Variants in MYO1D observed in about 807,000 individuals in gnomAD.
The protein encoded by MYO1D is unconventional myosin-Id.
Under a neutral mutation model 122.0 loss-of-function variants are expected in MYO1D, and 83 were observed. That is an observed-to-expected ratio of 0.68 (90% CI 0.57 to 0.82). MYO1D has a LOEUF of 0.82. Among genes scored for constraint, MYO1D ranks in the 40% least tolerant of loss-of-function variants. The pLI, the probability that MYO1D is intolerant of heterozygous loss-of-function variation, is 0.00. For missense variants in MYO1D, 1,157 were observed against 1,269.5 expected (o/e 0.91, Z 1.35); for synonymous variants, 464 against 446.9 (o/e 1.04, Z -0.48).
intron 20 of MYO1D, among the ~76,000 whole-genome samples, chr17:32,629,650 G>A (rs1411010808): frequency 1.3e-5 from 2 of 151,454 alleles, no homozygotes; most frequent in Non-Finnish European, 2.9e-5. Flanking sequence ...AGAATTGCTT[G>A]AATCCGGGAG....
intron 20 of MYO1D, among the ~76,000 whole-genome samples, chr17:32,607,669 A>G (rs548166470): frequency 6.6e-6 from 1 of 152,324 alleles, no homozygotes; most frequent in South Asian, 2.1e-4. Context: ...AGATTCTGAA[A>G]TATGTATGGA....
chr17:32,691,814 T>G (rs1176305480), intron 16 of MYO1D, among the ~76,000 whole-genome samples: 1 of 152,208 alleles, frequency 6.6e-6, no homozygotes, highest in Non-Finnish European at 1.5e-5. Context: ...AATTTTTAGA[T>G]TTTTTGGAAA....
intron 1 of MYO1D, among the ~76,000 whole-genome samples, chr17:32,822,636 G>C (rs1021170181): frequency 2.0e-5 from 3 of 149,088 alleles, no homozygotes; most frequent in African/African-American, 7.3e-5. Context: ...CCCGTCCCGG[G>C]GGGTGGCCGC....
At chr17:32,650,142 T>C (rs951740706) in intron 19 of MYO1D, among the ~76,000 whole-genome samples, 6 of 152,354 alleles carry the variant, frequency 3.9e-5, no homozygotes, top group Middle Eastern at 3.4e-3. Flanking sequence ...TATCTTCAGA[T>C]ATGTCTGAAA....
At chr17:32,707,699 A>G (rs921747796) in intron 16 of MYO1D, among the ~76,000 whole-genome samples, 5 of 152,230 alleles carry the variant, frequency 3.3e-5, no homozygotes, top group South Asian at 2.1e-4. Flanking sequence ...TCCCTAAGTA[A>G]TAAGATTGGT....
At chr17:32,675,269 A>G (rs918222671) in intron 16 of MYO1D, among the ~76,000 whole-genome samples, 6 of 152,336 alleles carry the variant, frequency 3.9e-5, no homozygotes, top group South Asian at 2.1e-4. Flanking sequence ...TGTTATAGAG[A>G]AAAACCTAGA....
At chr17:32,728,766 A>G (rs2089604621) in intron 14 of MYO1D, among the ~76,000 whole-genome samples, 2 of 152,240 alleles carry the variant, frequency 1.3e-5, no homozygotes, top group South Asian at 4.1e-4. Flanking sequence ...CATGTAGGCA[A>G]CGCAATCTTA....
chr17:32,519,987 A>G (rs1910072390), intron 21 of MYO1D, among the ~76,000 whole-genome samples: 1 of 151,836 alleles, frequency 6.6e-6, no homozygotes, highest in Non-Finnish European at 1.5e-5. Flanking sequence ...GTGAAATAGG[A>G]TTAGTGGAAA....
intron 21 of MYO1D, among the ~76,000 whole-genome samples, chr17:32,580,289 A>ATTTTTTTTTTTT (rs71144843): frequency 7.7e-5 from 3 of 39,118 alleles, no homozygotes; most frequent in African/African-American, 2.3e-4. Flanking sequence ...TGCTAAGAGG[A>ATTTTTTTTTTTT]TTTTTTTTTT....
chr17:32,807,008 T>A (rs1026969483), intron 1 of MYO1D, among the ~76,000 whole-genome samples: 5 of 152,186 alleles, frequency 3.3e-5, no homozygotes, highest in African/African-American at 1.2e-4. Context: ...TCTATACATA[T>A]TATATACACA....
chr17:32,800,936 A>G (rs948671007), intron 1 of MYO1D, among the ~76,000 whole-genome samples: 5 of 152,180 alleles, frequency 3.3e-5, no homozygotes, highest in African/African-American at 1.2e-4. Flanking sequence ...CAGGTGACAG[A>G]TATGCTAATT....
At chr17:32,554,843 T>C (rs577664272) in intron 21 of MYO1D, among the ~76,000 whole-genome samples, 1 of 152,234 alleles carries the variant, frequency 6.6e-6, no homozygotes, top group South Asian at 2.1e-4. Context: ...ACTGAAACAA[T>C]GGATATACGA....
At chr17:32,578,640 C>T (rs1411219572) in intron 21 of MYO1D, among the ~76,000 whole-genome samples, 1 of 152,190 alleles carries the variant, frequency 6.6e-6, no homozygotes, top group Non-Finnish European at 1.5e-5. Flanking sequence ...TTAATTTTAG[C>T]ATGCAATTTG....
rs1316235951 is a variant in MYO1D at position 32,832,284 on chromosome 17, T to C, written c.95+44494A>G. ...GCACCACCACACCTGACTAATTTTT[T>C]TCTTTCTTCTTTTTTTTTTTTTTGT... is the stretch of plus-strand genomic sequence containing the variant. On this transcript the variant is annotated intron_variant, in intron 1 of 21. Transcript: ENST00000318217. Among the ~76,000 whole-genome samples the C allele has an allele frequency of 4.0e-5, 6 of 150,992 alleles. 1 individual carries two copies. The South Asian group carries it at 1.3e-3, about 32-fold the overall frequency.
At chr17:32,759,648 C>A (rs1413058948) in intron 10 of MYO1D, among the ~76,000 whole-genome samples, 1 of 151,976 alleles carries the variant, frequency 6.6e-6, no homozygotes, top group Non-Finnish European at 1.5e-5. Context: ...AATTTAAAAA[C>A]CAAACAAGTC....
chr17:32,660,496 G>A (rs1358821959), intron 16 of MYO1D, among the ~76,000 whole-genome samples: 2 of 152,056 alleles, frequency 1.3e-5, no homozygotes, highest in South Asian at 2.1e-4. Context: ...GTCCTCATGC[G>A]GACTCCTAAA....
intron 19 of MYO1D, among the ~76,000 whole-genome samples, chr17:32,652,957 T>C (rs1387606070): frequency 6.6e-6 from 1 of 152,028 alleles, no homozygotes; most frequent in Admixed American, 6.6e-5. Flanking sequence ...CTGGCTAACA[T>C]GGTGAAACCC....
intron 1 of MYO1D, among the ~76,000 whole-genome samples, chr17:32,811,991 TC>T (rs942876998): frequency 1.3e-5 from 2 of 152,202 alleles, no homozygotes; most frequent in Admixed American, 1.3e-4. Flanking sequence ...CAGGACCCAT[TC>T]TACTACTACA....
At chr17:32,509,617 G>T (rs1161448043) in intron 21 of MYO1D, among the ~76,000 whole-genome samples, 1 of 150,612 alleles carries the variant, frequency 6.6e-6, no homozygotes, top group East Asian at 2.0e-4. Context: ...ACAGAGTCTT[G>T]CTCTGTCACC....
Sources: gnomAD v4.1 joint callset for allele counts (sites outside exome capture counted in the v4.1 genomes callset) on GRCh38, gnomAD v4.1.1 for gene constraint, MANE v1.5 for transcripts, NCBI Gene and HGNC (gene_info 2026-07-23, HGNC 2026-07-21) for gene names.